Variants in SPATS2L observed in about 807,000 individuals in gnomAD.
The protein encoded by SPATS2L is SPATS2-like protein.
SPATS2L carries 30 observed loss-of-function variants against 59.6 expected under a neutral mutation model. That is an observed-to-expected ratio of 0.50 (90% CI 0.38 to 0.68). SPATS2L has a LOEUF of 0.68. SPATS2L is among the 30% of genes least tolerant of loss of function. The pLI is 0.00. For missense variants in SPATS2L, 615 were observed against 700.0 expected, an observed-to-expected ratio of 0.88 and a Z score of 1.37; for synonymous variants, 252 against 263.5, an observed-to-expected ratio of 0.96 and a Z score of 0.42.
In SPATS2L at chr2:200,480,591, G is replaced by T; in HGVS notation, c.*2560G>T. On this transcript the variant is annotated 3_prime_UTR_variant, in exon 13 of 13. Transcript: ENST00000409140. ...TCACTATGGTGCCCAGACTGGTCTC[G>T]AACTCCGGAGCTCAAGTGATCTTCC... is the stretch of plus-strand genomic sequence containing the variant. The T allele has an allele frequency of 6.6e-6, 1 of 152,450 alleles. No individual in the cohort carries two copies. Among genetic ancestry groups the T allele is most frequent in the South Asian group, 2.0e-4 (1 of 5,008 alleles). 9.4% of individuals were successfully genotyped at this position (152,450 alleles called of 1,614,324 possible).
chr2:200,421,533 T>TGTGTGCTTACTGGC (rs2083306458), intron 6 of SPATS2L, among the ~76,000 whole-genome samples: 2 of 152,226 alleles, frequency 1.3e-5, no homozygotes, highest in African/African-American at 4.8e-5. Context: ...CACTCTGTAA[T>TGTGTGCTTACTGGC]ACACTAGTAA....
chr2:200,314,418 A>G (rs368608299), intron 1 of SPATS2L, among the ~76,000 whole-genome samples: 1 of 152,138 alleles, frequency 6.6e-6, no homozygotes, highest in Non-Finnish European at 1.5e-5. Flanking sequence ...TAGCCTCGCA[A>G]CTGGTCTCTC....
At chr2:200,477,437 A>C (rs561293568) in intron 12 of SPATS2L, among the ~76,000 whole-genome samples, 199 bp from the exon 13 acceptor site, 2 of 150,774 alleles carry the variant, frequency 1.3e-5, no homozygotes, top group South Asian at 4.2e-4. Flanking sequence ...CCATTTACAA[A>C]ACAGTCCACT....
chr2:200,434,244 GCAAAGAAGGAATA>G (rs1371670166), intron 6 of SPATS2L, among the ~76,000 whole-genome samples: 2 of 151,958 alleles, frequency 1.3e-5, no homozygotes, highest in African/African-American at 4.8e-5. Flanking sequence ...AAAACTGTCA[GCAAAGAAGGAATA>G]CAAGAGAATT....
chr2:200,329,356 G>T, intron 1 of SPATS2L, 75 bp from the exon 2 acceptor site: 1 of 1,245,888 alleles, frequency 8.0e-7, no homozygotes, highest in South Asian at 1.3e-5. Context: ...CTTGGGTTTT[G>T]AGTGTGATGG....
intron 2 of SPATS2L, among the ~76,000 whole-genome samples, chr2:200,343,039 A>G (rs988758566): frequency 6.6e-6 from 1 of 152,248 alleles, no homozygotes; most frequent in African/African-American, 2.4e-5. Flanking sequence ...GATTTTGCCT[A>G]AACTTCAGAT....
chr2:200,334,303 T>C (rs911658785), intron 2 of SPATS2L, among the ~76,000 whole-genome samples: 8 of 152,276 alleles, frequency 5.3e-5, no homozygotes, highest in Admixed American at 1.3e-4. Context: ...TACATAAATG[T>C]CTTCTTTTGA....
chr2:200,344,047 TAAAA>T (rs890104002), intron 2 of SPATS2L, among the ~76,000 whole-genome samples: 3 of 151,578 alleles, frequency 2.0e-5, no homozygotes, highest in African/African-American at 7.3e-5. Context: ...TTATTTTTTT[TAAAA>T]AAAATTTATT....
chr2:200,396,318 A>G (rs947144406), intron 3 of SPATS2L, among the ~76,000 whole-genome samples: 2 of 151,894 alleles, frequency 1.3e-5, no homozygotes, highest in African/African-American at 4.8e-5. Flanking sequence ...TTTATAAACA[A>G]TAATTGTGTA....
intron 8 of SPATS2L, among the ~76,000 whole-genome samples, chr2:200,451,593 C>T (rs2085447625): frequency 6.6e-6 from 1 of 152,088 alleles, no homozygotes; most frequent in Non-Finnish European, 1.5e-5. Flanking sequence ...TGGGGAAGAG[C>T]CTTCTAGGCC....
rs904262987 is a variant in SPATS2L at position 200,412,297 on chromosome 2, T to G, written c.40-14T>G. 2.1e-6 allele frequency: 3 copies of G among 1,403,506 alleles called. No individual in the cohort carries two copies. The highest frequency in any genetic ancestry group is 3.7e-4 in the Middle Eastern group (2 of 5,452). The allele number at this position is 1,403,506 out of a possible 1,614,324, so 86.9% of individuals were successfully genotyped here. A position where few individuals can be genotyped will look rare whatever the true frequency, so the allele number is the denominator to read the frequency against. On this transcript the variant is annotated splice_polypyrimidine_tract_variant and intron_variant, in intron 3 of 12. Coordinates refer to ENST00000409140, the MANE Select transcript of SPATS2L (RefSeq NM_001100423.2). ...GTTCACATTTCTATTTCTTTTTTTT[T>G]TTTTCCTTTACAGATCTATGCAGTT...
intron 6 of SPATS2L, among the ~76,000 whole-genome samples, chr2:200,427,192 TTTTC>T (rs2083629090): frequency 6.6e-6 from 1 of 152,124 alleles, no homozygotes; most frequent in African/African-American, 2.4e-5. Flanking sequence ...TTTCAAAAAT[TTTTC>T]TTAAGATTTT....
At chr2:200,393,253 G>T in intron 3 of SPATS2L, 5 of 456,770 alleles carry the variant, frequency 1.1e-5, no homozygotes, top group Non-Finnish European at 2.2e-5. Context: ...GCAAAACATG[G>T]CTGGTGGACA....
chr2:200,393,356 T>C (rs1383557414), intron 3 of SPATS2L: 2 of 456,684 alleles, frequency 4.4e-6, no homozygotes, highest in Non-Finnish European at 8.8e-6. Context: ...GCTGATCTGT[T>C]AGCACACAGA....
At chr2:200,462,609 G>A (rs2086315093) in intron 9 of SPATS2L, among the ~76,000 whole-genome samples, 1 of 152,082 alleles carries the variant, frequency 6.6e-6, no homozygotes. Context: ...CCATGTTGTT[G>A]ACTTCTCAAA....
At chr2:200,308,737 G>A in intron 1 of SPATS2L, 1 of 330,174 alleles carries the variant, frequency 3.0e-6, no homozygotes, top group Non-Finnish European at 5.5e-6. Flanking sequence ...AGTAAAAACT[G>A]AACATCTGGG....
Position 200,478,199 on chromosome 2 carries a change from A to G in SPATS2L, c.*168A>G, listed in dbSNP as rs757769589. The G allele has an allele frequency of 8.2e-6, 5 of 607,084 alleles. No homozygotes were observed. Among genetic ancestry groups the G allele is most frequent in the Non-Finnish European group, 1.3e-5 (5 of 396,860 alleles). The allele number at this position is 607,084 out of a possible 1,614,324, so 37.6% of individuals were successfully genotyped here. A position where few individuals can be genotyped will look rare whatever the true frequency, so the allele number is the denominator to read the frequency against. On this transcript the variant is annotated 3_prime_UTR_variant, in exon 13 of 13. Coordinates refer to ENST00000409140, the MANE Select transcript of SPATS2L (RefSeq NM_001100423.2). ...CTAATAATCAGCTCTAGCTTGCTTC[A>G]TAATTTTCATGGCTTTGCTTGATCT...
intron 2 of SPATS2L, among the ~76,000 whole-genome samples, chr2:200,383,317 T>A (rs1367462301): frequency 2.6e-5 from 4 of 152,238 alleles, no homozygotes; most frequent in Non-Finnish European, 5.9e-5. Context: ...ATTTTAATAC[T>A]GTATTTTATT....
At chr2:200,431,954 G>T (rs1394614300) in intron 6 of SPATS2L, among the ~76,000 whole-genome samples, 1 of 152,202 alleles carries the variant, frequency 6.6e-6, no homozygotes, top group African/African-American at 2.4e-5. Flanking sequence ...AGTTTTCACT[G>T]TTGGCAAGAG....
Sources: allele counts gnomAD v4.1 joint callset (sites outside exome capture counted in the v4.1 genomes callset), GRCh38; gene constraint gnomAD v4.1.1; transcripts MANE v1.5; gene names NCBI Gene and HGNC (gene_info 2026-07-23, HGNC 2026-07-21).